Variants in TTC29 observed in about 807,000 individuals in gnomAD.
The protein encoded by TTC29 is tetratricopeptide repeat domain 29.
A neutral mutation model predicts 58.1 loss-of-function variants in TTC29; 49 were observed. The observed-to-expected ratio is 0.84, with a 90% CI of 0.67 to 1.07. TTC29 has a LOEUF of 1.07. Ranked by LOEUF, TTC29 falls within the 50% of genes least tolerant of loss-of-function variation. The probability of loss-of-function intolerance (pLI) is 0.00; values close to 1 mark genes in which losing one functional copy is unlikely to be tolerated. For synonymous variants in TTC29, 209 were observed against 196.8 expected (o/e 1.06, Z -0.52); for missense variants, 582 against 555.6 (o/e 1.05, Z -0.48).
intron 10 of TTC29, among the ~76,000 whole-genome samples, chr4:146,819,115 A>G (rs1751639223): frequency 6.9e-6 from 1 of 145,016 alleles, no homozygotes; most frequent in African/African-American, 2.8e-5. Context: ...CAATAATAAA[A>G]ATAAATAAAT....
At chr4:146,865,356 AT>A (rs1229518008) in intron 8 of TTC29, among the ~76,000 whole-genome samples, 1 of 152,216 alleles carries the variant, frequency 6.6e-6, no homozygotes, top group Non-Finnish European at 1.5e-5. Flanking sequence ...GTTTGAATCC[AT>A]TATGGCACAG....
At position 146,729,113 on chromosome 4, in the gene TTC29, T is replaced by C. The variant is rs563632610; in HGVS notation, c.1331-21562A>G. Among the ~76,000 whole-genome samples, 71 of 152,088 alleles carry C rather than the reference T, an allele frequency of 4.7e-4. 1 individual carries two copies. The South Asian group carries it at 0.014, about 30-fold the overall frequency. On this transcript the variant is annotated intron_variant, in intron 11 of 12. Coordinates refer to ENST00000325106, the MANE Select transcript of TTC29 (RefSeq NM_031956.4). ...GGGCCAAAGTTTTGTTCATTCTACA[T>C]TTTGATATTGCCAAACTACTCTCCT...
intron 8 of TTC29, among the ~76,000 whole-genome samples, chr4:146,834,193 G>A (rs1728358607): frequency 6.6e-6 from 1 of 151,940 alleles, no homozygotes; most frequent in Non-Finnish European, 1.5e-5. Flanking sequence ...TAATTTAATG[G>A]TTTTTACATT....
chr4:146,882,322 T>G (rs1731683059), intron 6 of TTC29, among the ~76,000 whole-genome samples: 1 of 152,104 alleles, frequency 6.6e-6, no homozygotes, highest in Non-Finnish European at 1.5e-5. Flanking sequence ...GCTTTACTCT[T>G]AAAAGAGCAT....
At chr4:146,761,624 G>C (rs1410644136) in intron 11 of TTC29, among the ~76,000 whole-genome samples, 1 of 151,410 alleles carries the variant, frequency 6.6e-6, no homozygotes, top group East Asian at 1.9e-4. Context: ...GTTAGATTTG[G>C]AGGTTGCAGG....
chr4:146,773,992 A>G (rs1195902926), intron 11 of TTC29, among the ~76,000 whole-genome samples: 1 of 151,968 alleles, frequency 6.6e-6, no homozygotes, highest in African/African-American at 2.4e-5. Flanking sequence ...GTTTCCAGGA[A>G]TTTATCTATT....
intron 7 of TTC29, among the ~76,000 whole-genome samples, chr4:146,873,072 T>C (rs1016641201): frequency 2.6e-5 from 4 of 152,154 alleles, no homozygotes; most frequent in African/African-American, 4.8e-5. Context: ...GTAAAAGGTG[T>C]TGGCTGATGC....
At chr4:146,798,105 A>G (rs925326137) in intron 11 of TTC29, among the ~76,000 whole-genome samples, 6 of 152,054 alleles carry the variant, frequency 3.9e-5, no homozygotes, top group Admixed American at 2.0e-4. Context: ...ATTTTATTCC[A>G]TGACTCTTTA....
In TTC29 at chr4:146,874,724, G is replaced by A. The variant is rs1349651448; in HGVS notation, c.791C>T (p.Ala264Val). ...IKILIKASEI[A>V]KEGSDKKMEA... ...AGTTCTTTTCCACCCACCTTCTTTG[G>A]CTATTTCAGAAGCTTTTATTAGAAT... The change falls in exon 7 of 13, where the codon GCC becomes GTC. Residue 264 changes from alanine to valine, a missense_variant. Coordinates refer to ENST00000325106, the MANE Select transcript of TTC29 (RefSeq NM_031956.4). 3 of 1,599,954 alleles carry A rather than the reference G, an allele frequency of 1.9e-6. No individual in the cohort carries two copies. Among genetic ancestry groups the A allele is most frequent in the South Asian group, 1.1e-5 (1 of 89,124 alleles).
chr4:146,825,520 A>C (rs1273534541), intron 9 of TTC29, among the ~76,000 whole-genome samples: 1 of 152,172 alleles, frequency 6.6e-6, no homozygotes, highest in Non-Finnish European at 1.5e-5. Flanking sequence ...TTTTACTTCC[A>C]ATTATGTGGT....
chr4:146,769,718 A>G (rs1049598376), intron 11 of TTC29, among the ~76,000 whole-genome samples: 18 of 152,040 alleles, frequency 1.2e-4, no homozygotes, highest in African/African-American at 4.3e-4. Context: ...GTTGCACAAC[A>G]GTGACCCTGA....
chr4:146,792,983 G>A (rs1749576881), intron 11 of TTC29, among the ~76,000 whole-genome samples: 1 of 152,170 alleles, frequency 6.6e-6, no homozygotes, highest in Non-Finnish European at 1.5e-5. Flanking sequence ...AGTGGAGCCT[G>A]AATATCTGAG....
At chr4:146,777,049 C>T (rs529415546) in intron 11 of TTC29, among the ~76,000 whole-genome samples, 6 of 152,240 alleles carry the variant, frequency 3.9e-5, no homozygotes, top group South Asian at 4.1e-4. Flanking sequence ...AGTGTCTTTG[C>T]CATGTTCACA....
chr4:146,763,056 T>C (rs371350835), intron 11 of TTC29, among the ~76,000 whole-genome samples: 13 of 152,174 alleles, frequency 8.5e-5, no homozygotes, highest in African/African-American at 2.9e-4. Flanking sequence ...CTAAAGTACT[T>C]TGGAATTTTA....
chr4:146,734,996 G>A (rs1744611075), intron 11 of TTC29, among the ~76,000 whole-genome samples: 1 of 152,122 alleles, frequency 6.6e-6, no homozygotes, highest in African/African-American at 2.4e-5. Flanking sequence ...CTTCCAGGGA[G>A]TTGGTTCACT....
chr4:146,926,150 CTAAA>C (rs1426418573), intron 4 of TTC29, among the ~76,000 whole-genome samples: 2 of 152,138 alleles, frequency 1.3e-5, no homozygotes, highest in Non-Finnish European at 2.9e-5. Context: ...GACAAGCTCT[CTAAA>C]TAACTATTTT....
At chr4:146,917,617 A>ACATTATCTATTATTTATATAATATC (rs1250048875) in intron 4 of TTC29, among the ~76,000 whole-genome samples, 2 of 143,148 alleles carry the variant, frequency 1.4e-5, no homozygotes, top group Admixed American at 7.1e-5. Context: ...TTTATAATAT[A>ACATTATCTATTATTTATATAATATC]TAATTAGATA....
intron 11 of TTC29, among the ~76,000 whole-genome samples, chr4:146,777,062 A>G (rs1169998193): frequency 6.6e-6 from 1 of 152,162 alleles, no homozygotes; most frequent in Non-Finnish European, 1.5e-5. Context: ...TGTTCACACC[A>G]GCAATGGAAG....
intron 6 of TTC29, among the ~76,000 whole-genome samples, chr4:146,883,667 G>C (rs897620133): frequency 1.3e-5 from 2 of 152,016 alleles, no homozygotes; most frequent in South Asian, 4.1e-4. Flanking sequence ...AGTGTAGCAA[G>C]AACTGTGGGC....
Sources: allele counts gnomAD v4.1 joint callset (sites outside exome capture counted in the v4.1 genomes callset), GRCh38; gene constraint gnomAD v4.1.1; transcripts MANE v1.5; gene names NCBI Gene and HGNC (gene_info 2026-07-23, HGNC 2026-07-21).